Variants in PCDHGB2 observed in about 807,000 individuals in gnomAD.
PCDHGB2 encodes protocadherin gamma subfamily B, 2.
Under a neutral mutation model 59.3 loss-of-function variants are expected in PCDHGB2, and 55 were observed. The observed-to-expected ratio is 0.93, with a 90% CI of 0.75 to 1.16. The LOEUF (loss-of-function observed/expected upper bound fraction) is 1.16, where lower values mean the gene tolerates loss of function less well. PCDHGB2 is among the 50% of genes most tolerant of loss of function. The pLI, the probability that PCDHGB2 is intolerant of heterozygous loss-of-function variation, is 0.00. For missense variants in PCDHGB2, 1,228 were observed against 1,198.5 expected (o/e 1.02, Z -0.36); for synonymous variants, 516 against 512.0 (o/e 1.01, Z -0.11).
rs1762353801 is a variant in PCDHGB2, at chr5:141,362,156, A to T, written c.2021A>T (p.Asp674Val). The T allele has an allele frequency of 6.2e-7, 1 of 1,613,872 alleles. No individual in the cohort carries two copies. Among genetic ancestry groups the T allele is most frequent in the Non-Finnish European group, 8.5e-7 (1 of 1,179,874 alleles). The change falls in exon 1 of 4, where the codon GAC (aspartate) becomes GTC (valine). Residue 674 changes from aspartate to valine, a missense_variant. By Grantham distance (152) the Asp-to-Val change is radical (BLOSUM62 -3). Transcript: ENST00000522605. Reference sequence around the variant, plus strand: ...GATAGCCTGCAAGAGGTATTGCCAGACCTCAGCGACCGCCGGGAGCCCTCT... The same window carrying T: ...GATAGCCTGCAAGAGGTATTGCCAGTCCTCAGCGACCGCCGGGAGCCCTCT... ...FADSLQEVLP[D>V]LSDRREPSDP... is the part of the protein sequence containing the mutation.
Position 141,477,864 on chromosome 5 carries a change from G to A in PCDHGB2, c.2422-16943G>A, listed in dbSNP as rs775055164. On this transcript the variant is annotated intron_variant, in intron 1 of 3. Transcript: ENST00000522605. The surrounding 1 kb of genome is among the most constrained non-coding windows in gnomAD (Gnocchi z 4.9). Reference sequence around the variant, plus strand: ...AGCTCGGTGGAGATGCTGCCTCGAGGTACCTCAGCTGGCCACCTAGTGTCA... The same window carrying A: ...AGCTCGGTGGAGATGCTGCCTCGAGATACCTCAGCTGGCCACCTAGTGTCA... 1.2e-6 allele frequency: 2 copies of A among 1,613,122 alleles called. No homozygotes were observed. The highest frequency in any genetic ancestry group is 4.5e-5 in the East Asian group (2 of 44,822).
chr5:141,476,584 C>T lies in PCDHGB2; in HGVS notation c.2422-18223C>T. 6.2e-7 allele frequency: 1 copy of T among 1,614,218 alleles called. No individual in the cohort carries two copies. The highest frequency in any genetic ancestry group is 8.5e-7 in the Non-Finnish European group (1 of 1,180,042). ...TGGCTCCGGGGACGCGCTTTCCGCTCGAGAGCGCGCACGATCCCGATGTGG... is the reference window on the plus strand; with the variant it reads ...TGGCTCCGGGGACGCGCTTTCCGCTTGAGAGCGCGCACGATCCCGATGTGG... On this transcript the variant is annotated intron_variant, in intron 1 of 3. Coordinates refer to ENST00000522605, the MANE Select transcript of PCDHGB2 (RefSeq NM_018923.3). The surrounding 1 kb of genome is among the most constrained non-coding windows in gnomAD (Gnocchi z 7.6).
At chr5:141,395,516 G>A (rs1402459220) in intron 1 of PCDHGB2, 1 of 407,820 alleles carries the variant, frequency 2.5e-6, no homozygotes, top group Non-Finnish European at 4.4e-6. Context: ...GTAGCTACCC[G>A]TCCATACTGG....
At chr5:141,422,850 G>T (rs184432819) in intron 1 of PCDHGB2, 7 of 1,614,086 alleles carry the variant, frequency 4.3e-6, no homozygotes, top group Non-Finnish European at 5.9e-6. Context: ...GCGGGGACCC[G>T]CCCCTCAGCA....
chr5:141,402,867 C>A (rs996572604), intron 1 of PCDHGB2: 7 of 1,443,390 alleles, frequency 4.8e-6, no homozygotes, highest in Non-Finnish European at 6.4e-6. Context: ...AGGAAAAGAT[C>A]ACCATACTTT....
intron 1 of PCDHGB2, chr5:141,411,017 A>C (rs140607036): frequency 6.2e-6 from 1 of 162,372 alleles, no homozygotes; most frequent in Non-Finnish European, 1.3e-5. Context: ...CCACAGCTAA[A>C]TTTTTTGTAT....
At chr5:141,363,012 T>G (rs1296290865) in intron 1 of PCDHGB2, among the ~76,000 whole-genome samples, 1 of 152,230 alleles carries the variant, frequency 6.6e-6, no homozygotes, top group African/African-American at 2.4e-5. Context: ...TCACAGGGCA[T>G]GGGTAGGACA....
chr5:141,375,925 A>G (rs369035619), intron 1 of PCDHGB2: 178 of 1,613,590 alleles, frequency 1.1e-4, no homozygotes, highest in Admixed American at 2.2e-4. Context: ...CCAGCGAGCC[A>G]GGACTTTTCT....
chr5:141,474,985 C>T (rs2099357651), intron 1 of PCDHGB2, among the ~76,000 whole-genome samples: 1 of 152,202 alleles, frequency 6.6e-6, no homozygotes, highest in Non-Finnish European at 1.5e-5. Context: ...TGTTTGGTGA[C>T]AACAATTCTA....
intron 2 of PCDHGB2, among the ~76,000 whole-genome samples, chr5:141,498,260 A>C (rs1044675509): frequency 6.6e-6 from 1 of 152,140 alleles, no homozygotes; most frequent in Non-Finnish European, 1.5e-5. Flanking sequence ...GCTGGTGTTG[A>C]GTTCTTCAGT....
At position 141,429,460 on chromosome 5, in the gene PCDHGB2, C is replaced by T. The variant is rs528924726; in HGVS notation, c.2422-65347C>T. The stretch of plus-strand genomic sequence containing the variant: ...AAACTCTTGGGCTACAGTAATCCTC[C>T]CACCTCAATCTCCAGAGTAGCTGAG... On this transcript the variant is annotated intron_variant, in intron 1 of 3. Transcript: ENST00000522605. Among the ~76,000 whole-genome samples the T allele has an allele frequency of 1.6e-4, 25 of 151,938 alleles. 1 individual carries two copies. The South Asian group carries it at 4.6e-3, about 28-fold the overall frequency.
At position 141,493,904 on chromosome 5, in the gene PCDHGB2, G is replaced by A. The variant is rs1204744465; in HGVS notation, c.2422-903G>A. Among the ~76,000 whole-genome samples, 1 of 152,216 alleles carries A rather than the reference G, an allele frequency of 6.6e-6. No individual in the cohort carries two copies. Among genetic ancestry groups the A allele is most frequent in the Non-Finnish European group, 1.5e-5 (1 of 68,028 alleles). On this transcript the variant is annotated intron_variant, in intron 1 of 3. Transcript: ENST00000522605. The surrounding 1 kb of genome is among the most constrained non-coding windows in gnomAD (Gnocchi z 4.3). ...GGCTCTAGGAGTGCTCCATGAGAGT[G>A]TGTGATGGGATAACACACCCCCTGG...
chr5:141,427,483 A>G lies in PCDHGB2; in HGVS notation c.2421+64927A>G, dbSNP rs759092057. The G allele has an allele frequency of 1.5e-4, 79 of 535,350 alleles. 2 individuals carry two copies. The highest frequency in any genetic ancestry group is 1.1e-3 in the South Asian group (73 of 65,268). 33.2% of individuals were successfully genotyped at this position (535,350 alleles called of 1,614,324 possible). ...ATCGAATCTTCCGCCAATAATGACT[A>G]TAAGCTTGTAACAGATGGGACCCTG... On this transcript the variant is annotated intron_variant, in intron 1 of 3. Coordinates refer to ENST00000522605, the MANE Select transcript of PCDHGB2 (RefSeq NM_018923.3).
At chr5:141,439,631 A>G (rs1459977985) in intron 1 of PCDHGB2, among the ~76,000 whole-genome samples, 2 of 152,214 alleles carry the variant, frequency 1.3e-5, no homozygotes, top group African/African-American at 2.4e-5. Context: ...ATCCCCAGAC[A>G]TTCCGGCTTG....
Position 141,489,730 on chromosome 5 carries a change from A to G in PCDHGB2, c.2422-5077A>G. The stretch of plus-strand genomic sequence containing the variant: ...CAGTGCCCAGGATCCGGATGTGGGC[A>G]CCAATACTGTGAGCTTTTACACTCT... On this transcript the variant is annotated intron_variant, in intron 1 of 3. Coordinates refer to ENST00000522605, the MANE Select transcript of PCDHGB2 (RefSeq NM_018923.3). This position sits in a 1 kb window ranked among gnomAD's most constrained non-coding sequence, Gnocchi z 4.5. 6.2e-7 allele frequency: 1 copy of G among 1,614,182 alleles called. No homozygotes were observed. Among genetic ancestry groups the G allele is most frequent in the Non-Finnish European group, 8.5e-7 (1 of 1,180,020 alleles).
chr5:141,418,670 G>T (rs767728571), intron 1 of PCDHGB2: 2 of 1,614,042 alleles, frequency 1.2e-6, no homozygotes, highest in Non-Finnish European at 1.7e-6. Context: ...TGACCAGGAC[G>T]AGGGCATCAA....
At chr5:141,399,289 T>C (rs755445485) in intron 1 of PCDHGB2, 1 of 1,613,918 alleles carries the variant, frequency 6.2e-7, no homozygotes, top group Admixed American at 1.7e-5. Context: ...CGAAGTCCCT[T>C]TTAAGATTAT....
chr5:141,492,962 C>T (rs1197532146), intron 1 of PCDHGB2, among the ~76,000 whole-genome samples: 2 of 152,258 alleles, frequency 1.3e-5, no homozygotes, highest in Non-Finnish European at 2.9e-5. Context: ...CTATCTGACA[C>T]TCTAACAAGT....
At chr5:141,384,411 T>C (rs751134591) in intron 1 of PCDHGB2, 7 of 1,613,860 alleles carry the variant, frequency 4.3e-6, no homozygotes, top group South Asian at 1.1e-5. Flanking sequence ...TGTCCTCCTA[T>C]GTCTCCATAA....
Sources: gnomAD v4.1 joint callset for allele counts (sites outside exome capture counted in the v4.1 genomes callset) on GRCh38, gnomAD v4.1.1 for gene constraint, Gnocchi (gnomAD v3.1) non-coding constraint, MANE v1.5 for transcripts, NCBI Gene and HGNC (gene_info 2026-07-23, HGNC 2026-07-21) for gene names.